Variants in TNPO1 observed in about 807,000 individuals in gnomAD.
TNPO1 encodes the protein transportin-1.
TNPO1 carries 8 observed loss-of-function variants against 119.5 expected under a neutral mutation model. The observed-to-expected ratio is 0.07, with a 90% CI of 0.04 to 0.12. The LOEUF is 0.12. Ranked by LOEUF, TNPO1 falls within the 10% of genes least tolerant of loss-of-function variation. The probability of loss-of-function intolerance (pLI) is 1.00; values close to 1 mark genes in which losing one functional copy is unlikely to be tolerated. For missense variants in TNPO1, 576 were observed against 1,089.8 expected (o/e 0.53, Z 6.64); for synonymous variants, 362 against 363.0 (o/e 1.00, Z 0.03).
At chr5:72,877,056 C>T (rs1475128923) in intron 8 of TNPO1, among the ~76,000 whole-genome samples, 172 bp from the exon 9 acceptor site, 1 of 138,420 alleles carries the variant, frequency 7.2e-6, no homozygotes, top group Non-Finnish European at 1.5e-5. Context: ...GTTCACGCCA[C>T]TGCATTCCAG....
chr5:72,898,719 C>T lies in TNPO1; in HGVS notation c.2339-1287C>T, dbSNP rs182402719. 6.8e-3 allele frequency among the ~76,000 whole-genome samples: 1,034 copies of T among 152,132 alleles called. 9 individuals are homozygous for T. Among genetic ancestry groups the T allele is most frequent in the Non-Finnish European group, 8.2e-3 (555 of 67,958 alleles). ...TTCAATGGACCATCATCTGCTTTAT[C>T]GCATGTTTCATTGGATTGTTCATAC... On this transcript the variant is annotated intron_variant, in intron 20 of 24. Coordinates refer to ENST00000337273, the MANE Select transcript of TNPO1 (RefSeq NM_002270.4).
In TNPO1 at chr5:72,820,933, T is replaced by C. The variant is rs369246662; in HGVS notation, c.15+4181T>C. Among the ~76,000 whole-genome samples, 7 of 152,264 alleles carry C rather than the reference T, an allele frequency of 4.6e-5. No homozygotes were observed. In the South Asian group the frequency reaches 1.2e-3, roughly 27 times the overall value. The stretch of plus-strand genomic sequence containing the variant: ...CGGGTTCTAAAGTGAATGCACCAAA[T>C]ATCTGTGGGTGCAATTCTTAATGAT... On this transcript the variant is annotated intron_variant, in intron 1 of 24. Transcript: ENST00000337273.
chr5:72,892,550 G>T (rs1021068702), intron 15 of TNPO1, among the ~76,000 whole-genome samples: 1 of 152,142 alleles, frequency 6.6e-6, no homozygotes, highest in African/African-American at 2.4e-5. Flanking sequence ...TTTGTATGCA[G>T]TCGTCCCTCA....
chr5:72,910,034 A>G lies in TNPO1; in HGVS notation c.*1361A>G, dbSNP rs1051874677. 3.3e-5 allele frequency: 5 copies of G among 152,738 alleles called. No homozygotes were observed. The highest frequency in any genetic ancestry group is 3.4e-3 in the Middle Eastern group (1 of 294). 9.5% of individuals were successfully genotyped at this position (152,738 alleles called of 1,614,324 possible). A position where few individuals can be genotyped will look rare whatever the true frequency, so the allele number is the denominator to read the frequency against. On this transcript the variant is annotated 3_prime_UTR_variant, in exon 25 of 25. Coordinates refer to ENST00000337273, the MANE Select transcript of TNPO1 (RefSeq NM_002270.4). ...TTGTAGAAGTTGAAAAATGATTGCTATATTTCAATGTTTATTCCCACTCAA... is the reference window on the plus strand; with the variant it reads ...TTGTAGAAGTTGAAAAATGATTGCTGTATTTCAATGTTTATTCCCACTCAA...
intron 2 of TNPO1, 121 bp downstream of exon 2, chr5:72,848,619 C>T (rs1190677541): frequency 3.5e-5 from 15 of 425,254 alleles, no homozygotes; most frequent in South Asian, 9.3e-5. Flanking sequence ...CCGAGACCGG[C>T]CTCCTCCCTG....
At chr5:72,886,011 C>G (rs531978185) in intron 11 of TNPO1, among the ~76,000 whole-genome samples, 2 of 152,080 alleles carry the variant, frequency 1.3e-5, no homozygotes, top group Non-Finnish European at 2.9e-5. Flanking sequence ...CCTACAGTAA[C>G]GACATTAACC....
intron 16 of TNPO1, 29 bp from the exon 17 acceptor site, chr5:72,893,348 C>T (rs961842494): frequency 1.2e-6 from 2 of 1,607,686 alleles, no homozygotes; most frequent in African/African-American, 2.7e-5. Context: ...TAAAACCAAA[C>T]TTACAAAAAA....
At chr5:72,893,946 A>C (rs2112464685) in intron 18 of TNPO1, among the ~76,000 whole-genome samples, 1 of 152,324 alleles carries the variant, frequency 6.6e-6, no homozygotes, top group South Asian at 2.1e-4. Flanking sequence ...AAGCTTAGTA[A>C]TATACTTTAG....
At position 72,882,470 on chromosome 5, in the gene TNPO1, G is replaced by T; in HGVS notation, c.924G>T (p.Leu308Phe). 6.2e-7 allele frequency: 1 copy of T among 1,607,764 alleles called. No individual in the cohort carries two copies. The highest frequency in any genetic ancestry group is 1.1e-5 in the South Asian group (1 of 89,698). The change falls in exon 10 of 25, where the codon TTG becomes TTT. Residue 308 changes from leucine (L) to phenylalanine (F), a missense_variant. Leu to Phe is a conservative substitution (Grantham distance 22). This residue lies in a region of TNPO1 where 310 missense variants were observed against 583.0 expected (regional missense o/e 0.53). Transcript: ENST00000337273. ...TCATGAATTTCTTTCTTTATAGGTT[G>T]ATTCCTGTGTTAGTGAATGGCATGA... ...KDVLVRHLPK[L>F]IPVLVNGMKY...
intron 1 of TNPO1, 127 bp downstream of exon 1, chr5:72,816,879 C>A: frequency 8.2e-7 from 1 of 1,218,510 alleles, no homozygotes; most frequent in Non-Finnish European, 1.1e-6. Flanking sequence ...CCTGCCCGGC[C>A]GTTTGAAGCC....
intron 1 of TNPO1, chr5:72,847,970 G>C: frequency 1.3e-6 from 1 of 772,806 alleles, no homozygotes; most frequent in Non-Finnish European, 1.6e-6. Context: ...TTTCGCAGGG[G>C]TTTTGATAAG....
At chr5:72,816,857 G>A in intron 1 of TNPO1, 105 bp downstream of exon 1, 2 of 1,370,694 alleles carry the variant, frequency 1.5e-6, no homozygotes, top group South Asian at 1.4e-5. Flanking sequence ...GGGCTCGCCC[G>A]CTCTCTCGGC....
intron 5 of TNPO1, among the ~76,000 whole-genome samples, chr5:72,863,129 G>A (rs1178153347): frequency 2.6e-5 from 4 of 151,956 alleles, no homozygotes; most frequent in African/African-American, 9.7e-5. Context: ...AGTGGATACA[G>A]TAAGTATCTC....
rs1750443720 is a variant in TNPO1 at position 72,909,891 on chromosome 5, A to G, written c.*1218A>G. The G allele has an allele frequency of 6.6e-6, 1 of 152,544 alleles. No homozygotes were observed. 9.4% of individuals were successfully genotyped at this position (152,544 alleles called of 1,614,324 possible). ...TCTTTGCCTCTGTGCTGTCAGTGTG[A>G]TGTGCTTTCTGCATGGTTATATACT... On this transcript the variant is annotated 3_prime_UTR_variant, in exon 25 of 25. Coordinates refer to ENST00000337273, the MANE Select transcript of TNPO1 (RefSeq NM_002270.4).
At chr5:72,831,997 A>G (rs1321641457) in intron 1 of TNPO1, among the ~76,000 whole-genome samples, 2 of 152,092 alleles carry the variant, frequency 1.3e-5, no homozygotes, top group East Asian at 3.8e-4. Context: ...GTTGAAGGTT[A>G]TATTATTTGC....
intron 1 of TNPO1, among the ~76,000 whole-genome samples, chr5:72,837,353 A>C (rs1259091836): frequency 6.6e-6 from 1 of 152,148 alleles, no homozygotes; most frequent in African/African-American, 2.4e-5. Flanking sequence ...AGGAACAAAC[A>C]CTATTTTCTC....
intron 6 of TNPO1, among the ~76,000 whole-genome samples, chr5:72,869,051 A>G (rs1418688948): frequency 1.3e-5 from 2 of 152,298 alleles, no homozygotes; most frequent in East Asian, 3.9e-4. Context: ...GAATTTCTAC[A>G]CAGCAAGGAA....
intron 5 of TNPO1, among the ~76,000 whole-genome samples, 183 bp downstream of exon 5, chr5:72,862,097 C>T (rs564066697): frequency 1.3e-4 from 20 of 152,248 alleles, no homozygotes; most frequent in East Asian, 7.7e-4. Flanking sequence ...AAAACTGTTA[C>T]ATTATAAACC....
chr5:72,893,776 A>G (rs1749227481), intron 18 of TNPO1, 73 bp downstream of exon 18: 2 of 1,348,106 alleles, frequency 1.5e-6, no homozygotes, highest in South Asian at 1.2e-5. Flanking sequence ...TTTTTTTATT[A>G]TTAAACTGAA....
Sources: allele counts gnomAD v4.1 joint callset (sites outside exome capture counted in the v4.1 genomes callset), GRCh38; gene constraint gnomAD v4.1.1; regional missense constraint gnomAD v4.1.1; transcripts MANE v1.5; gene names NCBI Gene and HGNC (gene_info 2026-07-23, HGNC 2026-07-21).